The following ATP5F1A variants were observed in gnomAD, a reference collection of about 807,000 sequenced individuals.
ATP5F1A encodes the protein ATP synthase F1 subunit alpha, also known as ATP synthase F(1) complex subunit alpha, mitochondrial.
A neutral mutation model predicts 57.4 loss-of-function variants in ATP5F1A; 24 were observed. That is an observed-to-expected ratio of 0.42 (90% confidence interval 0.30 to 0.59). The LOEUF (loss-of-function observed/expected upper bound fraction) is 0.59. Among genes scored for constraint, ATP5F1A ranks in the 20% least tolerant of loss-of-function variants. The pLI is 0.19. For missense variants in ATP5F1A, 494 were observed against 707.9 expected, an observed-to-expected ratio of 0.70 and a Z score of 3.43; for synonymous variants, 251 against 255.5, an observed-to-expected ratio of 0.98 and a Z score of 0.17.
chr18:46,099,513 G>C (rs1309765251), upstream of ATP5F1A, among the ~76,000 whole-genome samples: 1 of 151,778 alleles, frequency 6.6e-6, no homozygotes, highest in African/African-American at 2.4e-5. Context: ...AGTGCAGTGG[G>C]TTTATCACCA....
In ATP5F1A at chr18:46,088,135, T is replaced by C. The variant is rs773813434; in HGVS notation, c.773A>G (p.Gln258Arg). 6.3e-7 allele frequency: 1 copy of C among 1,598,350 alleles called. No homozygotes were observed. Among genetic ancestry groups the C allele is most frequent in the South Asian group, 1.1e-5 (1 of 87,040 alleles). ...TGCATCTGTAAGTCTCTTCACCAACTGGGCAACAGTGGATCTCTTTTGACC... is the reference window on the plus strand; with the variant it reads ...TGCATCTGTAAGTCTCTTCACCAACCGGGCAACAGTGGATCTCTTTTGACC... ...AIGQKRSTVAQLVKRLTDADA... is the reference protein window; with the variant it reads ...AIGQKRSTVARLVKRLTDADA... The change falls in exon 6 of 12, where the codon CAG (glutamine) becomes CGG (arginine). Residue 258 changes from glutamine (Q) to arginine (R), a missense_variant. By Grantham distance (43) the Gln-to-Arg change is conservative. This residue lies in a region of ATP5F1A where 191 missense variants were observed against 267.7 expected (regional missense o/e 0.71). Coordinates refer to ENST00000398752, the MANE Select transcript of ATP5F1A (RefSeq NM_004046.6).
At chr18:46,097,695 G>A in intron 1 of ATP5F1A, 1 of 478,138 alleles carries the variant, frequency 2.1e-6, no homozygotes, top group Non-Finnish European at 2.7e-6. Flanking sequence ...TCTAAACTGA[G>A]CTCCAGGCAG....
intron 5 of ATP5F1A, 46 bp downstream of exon 5, chr18:46,089,520 T>G: frequency 1.9e-6 from 3 of 1,604,168 alleles, no homozygotes; most frequent in Non-Finnish European, 2.6e-6. Context: ...ATCCTTCCAT[T>G]GAGCAAATTT....
chr18:46,085,988 C>A, intron 10 of ATP5F1A, 125 bp downstream of exon 10: 2 of 1,081,660 alleles, frequency 1.8e-6, no homozygotes, highest in Non-Finnish European at 2.6e-6. Flanking sequence ...GTAAAAGTGC[C>A]TTTGATGAAA....
intron 8 of ATP5F1A, 49 bp downstream of exon 8, chr18:46,086,959 G>A (rs759801219): frequency 2.8e-5 from 45 of 1,583,596 alleles, no homozygotes; most frequent in Non-Finnish European, 3.8e-5. Flanking sequence ...CAATGCCTTA[G>A]AATTATCCAA....
At chr18:46,091,970 TG>T in intron 2 of ATP5F1A, 119 bp from the exon 3 acceptor site, 1 of 911,664 alleles carries the variant, frequency 1.1e-6, no homozygotes, top group African/African-American at 1.7e-5. Context: ...GGCAGGAGTT[TG>T]AGACCAGCCT....
chr18:46,085,731 G>C (rs1462926417), intron 10 of ATP5F1A: 1 of 173,430 alleles, frequency 5.8e-6, no homozygotes, highest in African/African-American at 2.4e-5. Context: ...TCAGGAGTTC[G>C]AGACCAGCCT....
chr18:46,092,898 A>G (rs939929165), intron 2 of ATP5F1A, among the ~76,000 whole-genome samples: 2 of 152,184 alleles, frequency 1.3e-5, no homozygotes, highest in African/African-American at 4.8e-5. Flanking sequence ...CTGTAAAACC[A>G]GCACTTTGGG....
At position 46,088,269 on chromosome 18, in the gene ATP5F1A, G is replaced by T. The variant is rs1244766535; in HGVS notation, c.651-12C>A. On this transcript the variant is annotated splice_polypyrimidine_tract_variant and intron_variant, in intron 5 of 11. Coordinates refer to ENST00000398752, the MANE Select transcript of ATP5F1A (RefSeq NM_004046.6). ...CAATTGAGGTTTTCCTTTAAAAAGAGAAAGTAAATATAAATCTTCCTAAAC... is the reference window on the plus strand; with the variant it reads ...CAATTGAGGTTTTCCTTTAAAAAGATAAAGTAAATATAAATCTTCCTAAAC... 2.6e-6 allele frequency: 4 copies of T among 1,564,890 alleles called. No individual in the cohort carries two copies. Among genetic ancestry groups the T allele is most frequent in the South Asian group, 1.2e-5 (1 of 82,644 alleles).
intron 1 of ATP5F1A, 29 bp from the exon 2 acceptor site, chr18:46,095,160 A>AT: frequency 6.2e-7 from 1 of 1,604,852 alleles, no homozygotes; most frequent in Admixed American, 1.7e-5. Flanking sequence ...TAAAAATTTG[A>AT]TTTTTAACAA....
At chr18:46,084,787 A>G (rs1909959894) in intron 10 of ATP5F1A, 133 bp from the exon 11 acceptor site, 1 of 944,150 alleles carries the variant, frequency 1.1e-6, no homozygotes, top group Admixed American at 3.5e-5. Context: ...CACAATATCA[A>G]TGACCTAGAA....
chr18:46,098,176 C>T lies in ATP5F1A; in HGVS notation c.56G>A (p.Gly19Glu), dbSNP rs780817458. 1.6e-5 allele frequency: 25 copies of T among 1,604,076 alleles called. No individual in the cohort carries two copies. Among genetic ancestry groups the T allele is most frequent in the Non-Finnish European group, 2.0e-5 (23 of 1,178,464 alleles). Residue 19 changes from glycine (G) to glutamate (E), a missense_variant, in exon 1 of 12, where the codon GGA (glycine) becomes GAA (glutamate). Coordinates refer to ENST00000398752, the MANE Select transcript of ATP5F1A (RefSeq NM_004046.6). ...AVVRALPRRA[G>E]LVSRNALGSS... ...ATGCCGGCCTTCGGTGCTCACCAGT[C>T]CGGCCCGCCGAGGAAGGGCGCGGAC...
At chr18:46,098,115 A>C in intron 1 of ATP5F1A, 57 bp downstream of exon 1, 1 of 1,553,788 alleles carries the variant, frequency 6.4e-7, no homozygotes, top group Non-Finnish European at 8.7e-7. Flanking sequence ...GAGCCGGCGC[A>C]CCACCACCCT....
chr18:46,089,360 C>G (rs1222264228), intron 5 of ATP5F1A: 2 of 586,616 alleles, frequency 3.4e-6, no homozygotes, highest in Non-Finnish European at 5.8e-6. Flanking sequence ...CATGCTCTAC[C>G]GACTGAGCTA....
chr18:46,084,689 C>A, intron 10 of ATP5F1A, 35 bp from the exon 11 acceptor site: 1 of 1,504,306 alleles, frequency 6.6e-7, no homozygotes, highest in Non-Finnish European at 8.8e-7. Flanking sequence ...AAGTGAGTTG[C>A]TCAAAGAAAT....
chr18:46,087,626 T>A (rs1910215682), intron 6 of ATP5F1A, 134 bp from the exon 7 acceptor site: 1 of 1,056,548 alleles, frequency 9.5e-7, no homozygotes, highest in Non-Finnish European at 1.4e-6. Flanking sequence ...ATGCCTGTAA[T>A]CCCAGCACTT....
chr18:46,087,843 G>A (rs1301199848), intron 6 of ATP5F1A: 9 of 466,144 alleles, frequency 1.9e-5, no homozygotes, highest in Admixed American at 4.1e-5. Flanking sequence ...TCGTGCCATC[G>A]CACTCCAGCC....
Position 46,080,819 on chromosome 18 carries a change from C to CACAT in ATP5F1A, c.*3462_*3463insATGT, listed in dbSNP as rs777896515. ...TTTTAAATGTGATATTTAAAAATCACATTTTTAAATATCACTGTGCCTGGC... is the reference window on the plus strand; with the variant it reads ...TTTTAAATGTGATATTTAAAAATCACACATATTTTTAAATATCACTGTGCCTGGC... On this transcript the variant is annotated 3_prime_UTR_variant, in exon 12 of 12. Transcript: ENST00000398752. 6.6e-5 allele frequency: 10 copies of CACAT among 151,816 alleles called. No homozygotes were observed. Among genetic ancestry groups the CACAT allele is most frequent in the African/African-American group, 2.4e-4 (10 of 41,446 alleles). The allele number at this position is 151,816 out of a possible 1,614,324, so 9.4% of individuals were successfully genotyped here.
At chr18:46,096,586 A>T in intron 1 of ATP5F1A, among the ~76,000 whole-genome samples, 1 of 151,386 alleles carries the variant, frequency 6.6e-6, no homozygotes, top group East Asian at 1.9e-4. Flanking sequence ...TTGACTTTAG[A>T]TGTATTTTAA....
Sources: allele counts gnomAD v4.1 joint callset (sites outside exome capture counted in the v4.1 genomes callset), GRCh38; gene constraint gnomAD v4.1.1; regional missense constraint gnomAD v4.1.1; transcripts MANE v1.5; gene names NCBI Gene and HGNC (gene_info 2026-07-23, HGNC 2026-07-21).